Variants in BTBD7 observed in about 807,000 individuals in gnomAD.
BTBD7 encodes BTB/POZ domain-containing protein 7.
BTBD7 carries 38 observed loss-of-function variants against 99.9 expected under a neutral mutation model. The observed-to-expected ratio is 0.38, with a 90% CI of 0.29 to 0.50. The LOEUF (loss-of-function observed/expected upper bound fraction) is 0.50. Ranked by LOEUF, BTBD7 falls within the 20% of genes least tolerant of loss-of-function variation. The pLI is 0.93. For missense variants in BTBD7, 1,170 were observed against 1,394.6 expected, an observed-to-expected ratio of 0.84 and a Z score of 2.57; for synonymous variants, 520 against 511.4, an observed-to-expected ratio of 1.02 and a Z score of -0.23.
At chr14:93,320,968 G>T (rs1464531369) in intron 1 of BTBD7, among the ~76,000 whole-genome samples, 1 of 152,122 alleles carries the variant, frequency 6.6e-6, no homozygotes, top group East Asian at 1.9e-4. Flanking sequence ...GATAATATGA[G>T]AAAGAGGCCT....
At chr14:93,325,835 A>G (rs1020033879) in intron 1 of BTBD7, among the ~76,000 whole-genome samples, 1 of 152,234 alleles carries the variant, frequency 6.6e-6, no homozygotes, top group Non-Finnish European at 1.5e-5. Context: ...GTATTGGATT[A>G]AAGTGTTTCC....
intron 3 of BTBD7, among the ~76,000 whole-genome samples, chr14:93,265,644 G>A (rs1043250651): frequency 6.6e-5 from 10 of 152,226 alleles, no homozygotes; most frequent in Admixed American, 3.3e-4. Context: ...ATTTGGGGCC[G>A]GGTGCGGCGG....
chr14:93,271,290 C>G (rs1390235166), intron 3 of BTBD7, among the ~76,000 whole-genome samples: 1 of 152,114 alleles, frequency 6.6e-6, no homozygotes, highest in Admixed American at 6.6e-5. Flanking sequence ...CAGTGGGAAA[C>G]TTTTCCGCTG....
At chr14:93,248,371 A>C in intron 9 of BTBD7, 105 bp downstream of exon 9, 1 of 1,219,334 alleles carries the variant, frequency 8.2e-7, no homozygotes, top group Non-Finnish European at 1.1e-6. Flanking sequence ...GAAAAAGCAC[A>C]TACGACGAAA....
chr14:93,298,032 G>A (rs1453415168), intron 1 of BTBD7, among the ~76,000 whole-genome samples: 2 of 151,136 alleles, frequency 1.3e-5, no homozygotes, highest in Non-Finnish European at 3.0e-5. Context: ...GCACTTTCAA[G>A]TTCGATTATT....
At chr14:93,275,368 T>C (rs1012097064) in intron 3 of BTBD7, among the ~76,000 whole-genome samples, 3 of 152,212 alleles carry the variant, frequency 2.0e-5, no homozygotes, top group Non-Finnish European at 4.4e-5. Context: ...GGGAAGAATA[T>C]ATAATTTGTA....
chr14:93,290,987 G>GTTTTT (rs34246296), intron 3 of BTBD7, among the ~76,000 whole-genome samples: 26 of 76,768 alleles, frequency 3.4e-4, no homozygotes, highest in Admixed American at 4.9e-4. Flanking sequence ...GCTAGGCCTA[G>GTTTTT]TTTTTTTTTT....
intron 3 of BTBD7, among the ~76,000 whole-genome samples, chr14:93,278,061 A>G (rs983354118): frequency 6.6e-6 from 1 of 152,236 alleles, no homozygotes; most frequent in Non-Finnish European, 1.5e-5. Flanking sequence ...AATTATTATA[A>G]TGGAATTAAG....
intron 3 of BTBD7, among the ~76,000 whole-genome samples, chr14:93,274,857 T>C (rs1421757650): frequency 1.3e-5 from 2 of 152,224 alleles, no homozygotes; most frequent in African/African-American, 4.8e-5. Context: ...GTCAAACTAA[T>C]GGGTCATTCA....
chr14:93,313,383 AG>A lies in BTBD7; in HGVS notation c.-106-17227del, dbSNP rs777198432. Among the ~76,000 whole-genome samples the A allele has an allele frequency of 5.9e-5, 9 of 152,234 alleles. No individual in the cohort carries two copies. In the East Asian group the frequency reaches 7.7e-4, roughly 13 times the overall value. ...GCATTACTGCAAATGAAGATTAGTT[AG>A]TTGTTAGGGTTTTGTTAGGAGAATC... On this transcript the variant is annotated intron_variant, in intron 1 of 10. Transcript: ENST00000334746.
intron 1 of BTBD7, among the ~76,000 whole-genome samples, chr14:93,312,624 T>C (rs1206631363): frequency 6.6e-6 from 1 of 152,102 alleles, no homozygotes; most frequent in Non-Finnish European, 1.5e-5. Flanking sequence ...CCCCAACCTG[T>C]CTCTTGGAAC....
chr14:93,257,050 C>T (rs895797002), intron 6 of BTBD7, 145 bp downstream of exon 6: 12 of 778,212 alleles, frequency 1.5e-5, no homozygotes, highest in East Asian at 2.7e-5. Context: ...GATACAACAT[C>T]GTACACAATA....
chr14:93,327,853 A>G (rs540894095), intron 1 of BTBD7, among the ~76,000 whole-genome samples: 1 of 152,302 alleles, frequency 6.6e-6, no homozygotes, highest in Non-Finnish European at 1.5e-5. Context: ...AAATGACACG[A>G]TCCTATATGT....
chr14:93,242,299 A>G lies in BTBD7; in HGVS notation c.3373T>C (p.Phe1125Leu). 6.2e-7 allele frequency: 1 copy of G among 1,613,954 alleles called. No homozygotes were observed. Among genetic ancestry groups the G allele is most frequent in the Non-Finnish European group, 8.5e-7 (1 of 1,179,840 alleles). ...RGRRSPSKPD[F>L]LYKKSAL ...CAGAGGGCAGACTTTTTGTAGAGGA[A>G]GTCCGGCTTGCTTGGTGACCTCCTT... The change falls in exon 11 of 11, where the codon TTC (phenylalanine) becomes CTC (leucine). Residue 1125 changes from phenylalanine (F) to leucine (L), a missense_variant. Around this residue, in one of 4 missense-constraint regions of BTBD7, gnomAD observed 495 missense variants for 525.9 expected, o/e 0.94. Coordinates refer to ENST00000334746, the MANE Select transcript of BTBD7 (RefSeq NM_001002860.4).
intron 3 of BTBD7, among the ~76,000 whole-genome samples, chr14:93,268,182 T>C (rs1423198201): frequency 6.6e-6 from 1 of 150,842 alleles, no homozygotes; most frequent in Admixed American, 6.6e-5. Flanking sequence ...CCCTAACTCT[T>C]TTTCTTAACT....
chr14:93,290,073 G>A (rs1013256676), intron 3 of BTBD7, among the ~76,000 whole-genome samples: 3 of 151,876 alleles, frequency 2.0e-5, no homozygotes, highest in South Asian at 2.1e-4. Flanking sequence ...GGCTGGTCTC[G>A]AACTCCTGAC....
At chr14:93,281,286 G>A (rs2052716998) in intron 3 of BTBD7, among the ~76,000 whole-genome samples, 1 of 151,786 alleles carries the variant, frequency 6.6e-6, no homozygotes, top group African/African-American at 2.4e-5. Context: ...ACAGGCATGA[G>A]CCGCTGTGCC....
At chr14:93,252,291 CAA>C (rs2052377488) in intron 7 of BTBD7, among the ~76,000 whole-genome samples, 1 of 145,996 alleles carries the variant, frequency 6.8e-6, no homozygotes, top group East Asian at 2.0e-4. Context: ...GCCTGGATGA[CAA>C]GAGTGAAACT....
intron 1 of BTBD7, among the ~76,000 whole-genome samples, chr14:93,312,516 C>G (rs536097817): frequency 6.6e-6 from 1 of 152,132 alleles, no homozygotes; most frequent in Non-Finnish European, 1.5e-5. Flanking sequence ...CTTAGAATGA[C>G]TTTGTATGGC....
Sources: allele counts gnomAD v4.1 joint callset (sites outside exome capture counted in the v4.1 genomes callset), GRCh38; gene constraint gnomAD v4.1.1; regional missense constraint gnomAD v4.1.1; transcripts MANE v1.5; gene names NCBI Gene and HGNC (gene_info 2026-07-23, HGNC 2026-07-21).